PRR30: variants seen among roughly 807,000 people sequenced by gnomAD.
PRR30 encodes the protein proline-rich protein 30.
For synonymous variants in PRR30, 229 were observed against 222.7 expected (o/e 1.03, Z -0.25); for missense variants, 546 against 525.3 (o/e 1.04, Z -0.39).
chr2:27,137,598 G>A lies in PRR30; in HGVS notation c.732C>T (p.Ala244=). The change falls in exon 3 of 3, where the codon GCC becomes GCT. Residue 244 remains alanine, a synonymous_variant. Coordinates refer to ENST00000335524, the MANE Select transcript of PRR30 (RefSeq NM_178553.4). The surrounding 1 kb of genome is among the most constrained non-coding windows in gnomAD (Gnocchi z 4.3). ...GGCATATAGGATACTCCACGACTGG[G>A]GCCTGGCCGGTTCTGCCTAGCCACA... ...QHLWLGRTGQ[A]PVVEYPICLV... The A allele has an allele frequency of 6.2e-7, 1 of 1,609,156 alleles. No individual in the cohort carries two copies. Among genetic ancestry groups the A allele is most frequent in the Non-Finnish European group, 8.5e-7 (1 of 1,177,882 alleles).
At chr2:27,138,914 A>C (rs1257004016) in intron 2 of PRR30, 56 bp downstream of exon 2, 1 of 155,516 alleles carries the variant, frequency 6.4e-6, no homozygotes, top group African/African-American at 2.4e-5. Context: ...GGTTCGGGGG[A>C]TAAGGGCTGA....
chr2:27,137,267 A>T lies in PRR30; in HGVS notation c.1063T>A (p.Ser355Thr). ...ARADPVPGTP[S>T]QTRSFRSAGL... ...GCAGACCTGAAGCTCCTGGTCTGGG[A>T]GGGTGTGCCTGGGACTGGGTCGGCC... is the stretch of plus-strand genomic sequence containing the variant. The change falls in exon 3 of 3, where the codon TCC becomes ACC. Residue 355 changes from serine to threonine, a missense_variant. Coordinates refer to ENST00000335524, the MANE Select transcript of PRR30 (RefSeq NM_178553.4). This position sits in a 1 kb window ranked among gnomAD's most constrained non-coding sequence, Gnocchi z 4.3. 2 of 1,614,126 alleles carry T rather than the reference A, an allele frequency of 1.2e-6. No individual in the cohort carries two copies. Among genetic ancestry groups the T allele is most frequent in the Non-Finnish European group, 1.7e-6 (2 of 1,180,004 alleles).
rs369892953 is a variant in PRR30, at chr2:27,137,348, T to G, written c.982A>C (p.Thr328Pro). 35 of 1,614,086 alleles carry G rather than the reference T, an allele frequency of 2.2e-5. No individual in the cohort carries two copies. In the East Asian group the frequency reaches 7.6e-4, roughly 35 times the overall value. Residue 328 changes from threonine to proline, a missense_variant, in exon 3 of 3, where the codon ACT becomes CCT. By Grantham distance (38) the Thr-to-Pro change is conservative (BLOSUM62 -1). Transcript: ENST00000335524. This position sits in a 1 kb window ranked among gnomAD's most constrained non-coding sequence, Gnocchi z 4.3. ...GGCAATTGATGCCCACAGGCCTGAG[T>G]AGCCTTGCCCTGAGGCCCTGCTTCC... ...PKEAGPQGKA[T>P]QACGHQLPAS...
chr2:27,138,467 G>A lies in PRR30; in HGVS notation c.-138C>T, dbSNP rs1050697836. On this transcript the variant is annotated 5_prime_UTR_variant, in exon 3 of 3. Transcript: ENST00000335524. Reference sequence around the variant, plus strand: ...GTGCGCAGAGCGTGGCTCCAGCCTGGTGTGGGTGCAGGTGCTGGTGGCAGG... The same window carrying A: ...GTGCGCAGAGCGTGGCTCCAGCCTGATGTGGGTGCAGGTGCTGGTGGCAGG... 1.2e-5 allele frequency: 17 copies of A among 1,445,948 alleles called. No homozygotes were observed. In the African/African-American group the frequency reaches 2.2e-4, roughly 18 times the overall value. The allele number at this position is 1,445,948 out of a possible 1,614,324, so 89.6% of individuals were successfully genotyped here.
chr2:27,137,619 C>CCACAGGT lies in PRR30; in HGVS notation c.704_710dup (p.Trp237Ter). ...CTGGGGCCTGGCCGGTTCTGCCTAG[C>CCACAGGT]CACAGGTGCTGCAAAAGCAGTAGCC... On this transcript the variant is annotated stop_gained and frameshift_variant, in exon 3 of 3. Transcript: ENST00000335524. LOFTEE classifies it low-confidence loss of function (END_TRUNC). This position sits in a 1 kb window ranked among gnomAD's most constrained non-coding sequence, Gnocchi z 4.3. 1 of 1,611,682 alleles carries CCACAGGT rather than the reference C, an allele frequency of 6.2e-7. No homozygotes were observed. Among genetic ancestry groups the CCACAGGT allele is most frequent in the Non-Finnish European group, 8.5e-7 (1 of 1,179,308 alleles).
At position 27,137,596 on chromosome 2, in the gene PRR30, G is replaced by A; in HGVS notation, c.734C>T (p.Pro245Leu). The change falls in exon 3 of 3, where the codon CCA (proline) becomes CTA (leucine). Residue 245 changes from proline to leucine, a missense_variant. By Grantham distance (98) the Pro-to-Leu change is moderately conservative (BLOSUM62 -3). Coordinates refer to ENST00000335524, the MANE Select transcript of PRR30 (RefSeq NM_178553.4). This position sits in a 1 kb window ranked among gnomAD's most constrained non-coding sequence, Gnocchi z 4.3. Reference protein sequence around the residue: ...HLWLGRTGQAPVVEYPICLVC... With the variant: ...HLWLGRTGQALVVEYPICLVC... ...CAGGCATATAGGATACTCCACGACT[G>A]GGGCCTGGCCGGTTCTGCCTAGCCA... 6.2e-7 allele frequency: 1 copy of A among 1,608,358 alleles called. No individual in the cohort carries two copies. The highest frequency in any genetic ancestry group is 1.1e-5 in the South Asian group (1 of 90,654).
Position 27,138,387 on chromosome 2 carries a change from G to C in PRR30, c.-58C>G. 1 of 1,529,826 alleles carries C rather than the reference G, an allele frequency of 6.5e-7. No individual in the cohort carries two copies. Among genetic ancestry groups the C allele is most frequent in the Non-Finnish European group, 8.8e-7 (1 of 1,141,176 alleles). 94.8% of individuals were successfully genotyped at this position (1,529,826 alleles called of 1,614,324 possible). On this transcript the variant is annotated 5_prime_UTR_variant, in exon 3 of 3. Transcript: ENST00000335524. ...GACTAGGGATAAGAGACCTGGCAGA[G>C]TCAGGACCAGTATCTCTGAGGTCAG... is the stretch of plus-strand genomic sequence containing the variant.
rs2148425047 is a variant in PRR30, at chr2:27,138,372, A to G, written c.-43T>C. On this transcript the variant is annotated 5_prime_UTR_variant, in exon 3 of 3. Transcript: ENST00000335524. ...GAACTGGGGCAACAAGACTAGGGAT[A>G]AGAGACCTGGCAGAGTCAGGACCAG... is the stretch of plus-strand genomic sequence containing the variant. 1 of 1,546,732 alleles carries G rather than the reference A, an allele frequency of 6.5e-7. No homozygotes were observed. Among genetic ancestry groups the G allele is most frequent in the South Asian group, 1.2e-5 (1 of 80,512 alleles).
Position 27,137,630 on chromosome 2 carries a change from G to C in PRR30, c.700C>G (p.Gln234Glu). The stretch of plus-strand genomic sequence containing the variant: ...CCGGTTCTGCCTAGCCACAGGTGCT[G>C]CAAAAGCAGTAGCCGCAGGTCGTGT... The part of the protein sequence containing the change: ...IAHDLRLLLL[Q>E]HLWLGRTGQA... The change falls in exon 3 of 3, where the codon CAG becomes GAG. Residue 234 changes from glutamine (Q) to glutamate (E), a missense_variant. Physicochemically the swap from Gln to Glu is conservative, Grantham distance 29. Coordinates refer to ENST00000335524, the MANE Select transcript of PRR30 (RefSeq NM_178553.4). This position sits in a 1 kb window ranked among gnomAD's most constrained non-coding sequence, Gnocchi z 4.3. 1 of 1,612,424 alleles carries C rather than the reference G, an allele frequency of 6.2e-7. No individual in the cohort carries two copies.
At position 27,137,412 on chromosome 2, in the gene PRR30, C is replaced by T. The variant is rs892897993; in HGVS notation, c.918G>A (p.Gln306=). The T allele has an allele frequency of 1.4e-5, 23 of 1,613,536 alleles. No individual in the cohort carries two copies. The highest frequency in any genetic ancestry group is 1.9e-5 in the Non-Finnish European group (23 of 1,179,990). Residue 306 remains glutamine (Q), a synonymous_variant, in exon 3 of 3, where the codon CAG becomes CAA. Coordinates refer to ENST00000335524, the MANE Select transcript of PRR30 (RefSeq NM_178553.4). The surrounding 1 kb of genome is among the most constrained non-coding windows in gnomAD (Gnocchi z 4.3). ...IGFGLRLPQG[Q]ARALHLLPEK... ...CGGGCAGCAGATGCAAGGCCCTGGC[C>T]TGGCCCTGAGGCAGGCGGAGGCCGA...
Position 27,138,100 on chromosome 2 carries a change from T to G in PRR30, c.230A>C (p.Asp77Ala), listed in dbSNP as rs776384065. 6.2e-7 allele frequency: 1 copy of G among 1,613,000 alleles called. No homozygotes were observed. The highest frequency in any genetic ancestry group is 8.5e-7 in the Non-Finnish European group (1 of 1,179,810). The stretch of plus-strand genomic sequence containing the variant: ...ATGTGGAGCAAAGTCAGAATTTGAG[T>G]CACAAGAGCCGAATTGGAAGCCAGG... ...PSPGFQFGSC[D>A]SNSDFAPHPY... Residue 77 changes from aspartate to alanine, a missense_variant, in exon 3 of 3, where the codon GAC becomes GCC. By Grantham distance (126) the Asp-to-Ala change is moderately radical (BLOSUM62 -2). Transcript: ENST00000335524.
chr2:27,137,988 G>T lies in PRR30; in HGVS notation c.342C>A (p.Ser114=), dbSNP rs13427842. The T allele has an allele frequency of 8.9e-3, 14,298 of 1,612,152 alleles. 1,018 individuals carry two copies. The African/African-American group carries it at 0.17, about 19-fold the overall frequency. ...SLPRPRASSP[S]NHWLYPSPPL... is the part of the protein sequence containing the mutation. ...GGGGAGAGGGGTACAGCCAGTGGTTGGAGGGAGAGGATGCACGTGGACGGG... is the reference window on the plus strand; with the variant it reads ...GGGGAGAGGGGTACAGCCAGTGGTTTGAGGGAGAGGATGCACGTGGACGGG... The change falls in exon 3 of 3, where the codon TCC becomes TCA. Residue 114 remains serine, a synonymous_variant. Coordinates refer to ENST00000335524, the MANE Select transcript of PRR30 (RefSeq NM_178553.4). The surrounding 1 kb of genome is among the most constrained non-coding windows in gnomAD (Gnocchi z 4.3).
rs769612295 is a variant in PRR30 at position 27,137,657 on chromosome 2, C to T, written c.673G>A (p.Ala225Thr). The T allele has an allele frequency of 1.1e-5, 18 of 1,612,930 alleles. 1 individual carries two copies. The highest frequency in any genetic ancestry group is 6.7e-5 in the African/African-American group (5 of 74,940). ...AAAAGCAGTAGCCGCAGGTCGTGTG[C>T]GATGCGGCGGTGCCCCAGCTGGACC... ...LVVQLGHRRI[A>T]HDLRLLLLQH... The change falls in exon 3 of 3, where the codon GCA becomes ACA. Residue 225 changes from alanine to threonine, a missense_variant. Coordinates refer to ENST00000335524, the MANE Select transcript of PRR30 (RefSeq NM_178553.4). This position sits in a 1 kb window ranked among gnomAD's most constrained non-coding sequence, Gnocchi z 4.3.
Position 27,137,863 on chromosome 2 carries a change from G to T in PRR30, c.467C>A (p.Thr156Lys). 6.3e-7 allele frequency: 1 copy of T among 1,597,240 alleles called. No individual in the cohort carries two copies. Residue 156 changes from threonine to lysine, a missense_variant, in exon 3 of 3, where the codon ACA becomes AAA. By Grantham distance (78) the Thr-to-Lys change is moderately conservative (BLOSUM62 -1). Coordinates refer to ENST00000335524, the MANE Select transcript of PRR30 (RefSeq NM_178553.4). The surrounding 1 kb of genome is among the most constrained non-coding windows in gnomAD (Gnocchi z 4.3). ...TGGGCTGGGGCCTGGGGAAGTGAGT[G>T]TGGAGCTATGCAGTTCCTCGGGGTG... ...PSHPEELHSS[T>K]LTSPGPSPPS...
chr2:27,137,792 G>A lies in PRR30; in HGVS notation c.538C>T (p.Gln180Ter), dbSNP rs774686521. 1 of 1,607,678 alleles carries A rather than the reference G, an allele frequency of 6.2e-7. No homozygotes were observed. The highest frequency in any genetic ancestry group is 2.2e-5 in the East Asian group (1 of 44,696). ...GACCCGGACCCAGTGTCCCTGTACTGATGCCAGCGCCATGTCTGCCTGTTA... is the reference window on the plus strand; with the variant it reads ...GACCCGGACCCAGTGTCCCTGTACTAATGCCAGCGCCATGTCTGCCTGTTA... ...HSNRQTWRWHQYRDTGSGSPG... is the reference protein window; with the variant it reads ...HSNRQTWRWH The change falls in exon 3 of 3, where the codon CAG (glutamine) becomes TAG (stop). Residue 180 changes from glutamine (Q) to a stop codon, truncating the protein, a stop_gained. Transcript: ENST00000335524. LOFTEE classifies it low-confidence loss of function (END_TRUNC). The surrounding 1 kb of genome is among the most constrained non-coding windows in gnomAD (Gnocchi z 4.3).
Position 27,137,605 on chromosome 2 carries a change from C to T in PRR30, c.725G>A (p.Gly242Asp), listed in dbSNP as rs764537175. 3 of 1,609,528 alleles carry T rather than the reference C, an allele frequency of 1.9e-6. No individual in the cohort carries two copies. The East Asian group carries it at 6.7e-5, about 36-fold the overall frequency. The change falls in exon 3 of 3, where the codon GGC becomes GAC. Residue 242 changes from glycine to aspartate, a missense_variant. By Grantham distance (94) the Gly-to-Asp change is moderately conservative. Coordinates refer to ENST00000335524, the MANE Select transcript of PRR30 (RefSeq NM_178553.4). This position sits in a 1 kb window ranked among gnomAD's most constrained non-coding sequence, Gnocchi z 4.3. ...AGGATACTCCACGACTGGGGCCTGG[C>T]CGGTTCTGCCTAGCCACAGGTGCTG... is the stretch of plus-strand genomic sequence containing the variant. Reference protein sequence around the residue: ...LLQHLWLGRTGQAPVVEYPIC... With the variant: ...LLQHLWLGRTDQAPVVEYPIC...
chr2:27,138,453 G>A lies in PRR30; in HGVS notation c.-124C>T, dbSNP rs931619629. On this transcript the variant is annotated 5_prime_UTR_variant, in exon 3 of 3. The change creates a new upstream start codon in the 5' untranslated region. Coordinates refer to ENST00000335524, the MANE Select transcript of PRR30 (RefSeq NM_178553.4). ...CAAGGCCACCTTCTGTGCGCAGAGC[G>A]TGGCTCCAGCCTGGTGTGGGTGCAG... 42 of 1,456,856 alleles carry A rather than the reference G, an allele frequency of 2.9e-5. No homozygotes were observed. The African/African-American group carries it at 3.6e-4, about 12-fold the overall frequency. The allele number at this position is 1,456,856 out of a possible 1,614,324, so 90.2% of individuals were successfully genotyped here. A position where few individuals can be genotyped will look rare whatever the true frequency, so the allele number is the denominator to read the frequency against.
Position 27,137,061 on chromosome 2 carries a change from G to A in PRR30, c.*30C>T, listed in dbSNP as rs760887297. On this transcript the variant is annotated 3_prime_UTR_variant, in exon 3 of 3. Coordinates refer to ENST00000335524, the MANE Select transcript of PRR30 (RefSeq NM_178553.4). The surrounding 1 kb of genome is among the most constrained non-coding windows in gnomAD (Gnocchi z 4.3). ...GTTGGGAGGGTTGGGTTTGGAGGGG[G>A]TGTTCCAGGGGGCCTCCGTGGCTCT... 6.2e-7 allele frequency: 1 copy of A among 1,602,648 alleles called. No homozygotes were observed. The highest frequency in any genetic ancestry group is 8.5e-7 in the Non-Finnish European group (1 of 1,172,566).
In PRR30 at chr2:27,138,017, G is replaced by C; in HGVS notation, c.313C>G (p.Leu105Val). 6.2e-7 allele frequency: 1 copy of C among 1,613,710 alleles called. No individual in the cohort carries two copies. Among genetic ancestry groups the C allele is most frequent in the Non-Finnish European group, 8.5e-7 (1 of 1,179,892 alleles). ...GGAGAGGATGCACGTGGACGGGGGA[G>C]AGAGAGGTAGTTCTGGTGAAAGAAA... ...PTFFHQNYLSLPRPRASSPSN... is the reference protein window; with the variant it reads ...PTFFHQNYLSVPRPRASSPSN... The change falls in exon 3 of 3, where the codon CTC becomes GTC. Residue 105 changes from leucine to valine, a missense_variant. Leu to Val is a conservative substitution (Grantham distance 32). Coordinates refer to ENST00000335524, the MANE Select transcript of PRR30 (RefSeq NM_178553.4).
Sources: allele counts gnomAD v4.1 joint callset, GRCh38; gene constraint gnomAD v4.1.1; non-coding constraint Gnocchi (gnomAD v3.1); transcripts MANE v1.5; gene names NCBI Gene and HGNC (gene_info 2026-07-23, HGNC 2026-07-21).